GRID1: variants seen among roughly 807,000 people sequenced by gnomAD.
GRID1 encodes glutamate ionotropic receptor delta type subunit 1.
In GRID1, 28 loss-of-function variants were observed where a neutral mutation model predicts 98.0. That is an observed-to-expected ratio of 0.29 (90% CI 0.21 to 0.39). The LOEUF is 0.39. Ranked by LOEUF, GRID1 falls within the 10% of genes least tolerant of loss-of-function variation. The pLI, the probability that GRID1 is intolerant of heterozygous loss-of-function variation, is 1.00. For missense variants in GRID1, 1,111 were observed against 1,340.5 expected, an observed-to-expected ratio of 0.83 and a Z score of 2.67; for synonymous variants, 553 against 538.5, an observed-to-expected ratio of 1.03 and a Z score of -0.37.
At chr10:85,977,219 G>T (rs1842484045) in intron 4 of GRID1, among the ~76,000 whole-genome samples, 1 of 152,192 alleles carries the variant, frequency 6.6e-6, no homozygotes, top group African/African-American at 2.4e-5. Flanking sequence ...TAGAAAAGTG[G>T]CTGGCATGTA....
rs562806875 is a variant in GRID1, at chr10:86,250,742, C to T, written c.236-44094G>A. On this transcript the variant is annotated intron_variant, in intron 2 of 15. Transcript: ENST00000327946. ...CTGGGAGGTGGGGGGCGCCTCTGCC[C>T]AGCCACCCGGTCTGGGAAGTGGGGA... Among the ~76,000 whole-genome samples, 5 of 151,838 alleles carry T rather than the reference C, an allele frequency of 3.3e-5. No homozygotes were observed. The East Asian group carries it at 7.8e-4, about 24-fold the overall frequency.
intron 4 of GRID1, among the ~76,000 whole-genome samples, chr10:85,931,399 T>C (rs1325186384): frequency 6.6e-6 from 1 of 152,238 alleles, no homozygotes; most frequent in Non-Finnish European, 1.5e-5. Flanking sequence ...GCCTTTTCTT[T>C]ATTTTTTCTG....
intron 2 of GRID1, among the ~76,000 whole-genome samples, chr10:86,274,541 G>A (rs1332836100): frequency 6.6e-6 from 1 of 152,176 alleles, no homozygotes; most frequent in Admixed American, 6.5e-5. Context: ...TCCTACCCAT[G>A]AGCATGGAAT....
chr10:85,600,791 T>G lies in GRID1; in HGVS notation c.*1482A>C, dbSNP rs1303211946. ...AACTGAAGGAGGGGGCGCTGTTAGGTGGTCCTAGGCTTAGAAAACTGGGCT... is the reference window on the plus strand; with the variant it reads ...AACTGAAGGAGGGGGCGCTGTTAGGGGGTCCTAGGCTTAGAAAACTGGGCT... On this transcript the variant is annotated 3_prime_UTR_variant, in exon 16 of 16. Transcript: ENST00000327946. The G allele has an allele frequency of 6.6e-6, 1 of 152,238 alleles. No homozygotes were observed. Among genetic ancestry groups the G allele is most frequent in the Admixed American group, 6.5e-5 (1 of 15,280 alleles). The allele number at this position is 152,238 out of a possible 1,614,324, so 9.4% of individuals were successfully genotyped here.
At chr10:85,825,786 T>C (rs1212263477) in intron 8 of GRID1, among the ~76,000 whole-genome samples, 1 of 151,902 alleles carries the variant, frequency 6.6e-6, no homozygotes, top group African/African-American at 2.4e-5. Flanking sequence ...GAAAAAATAG[T>C]AAAAAACAAC....
chr10:86,268,494 G>T (rs1227791695), intron 2 of GRID1, among the ~76,000 whole-genome samples: 1 of 152,196 alleles, frequency 6.6e-6, no homozygotes, highest in Non-Finnish European at 1.5e-5. Flanking sequence ...TACCACGGGG[G>T]CTAGCCCATT....
chr10:86,320,915 C>T (rs1045416534), intron 2 of GRID1, among the ~76,000 whole-genome samples: 8 of 151,808 alleles, frequency 5.3e-5, no homozygotes, highest in South Asian at 2.1e-4. Flanking sequence ...CTGGCTAACA[C>T]GGTGAAACCC....
At chr10:86,229,891 CAT>C (rs1375078792) in intron 2 of GRID1, among the ~76,000 whole-genome samples, 8 of 152,220 alleles carry the variant, frequency 5.3e-5, no homozygotes, top group African/African-American at 1.7e-4. Flanking sequence ...CACCACCACA[CAT>C]AGAGTCCTGT....
chr10:85,732,311 T>G (rs1316813302), intron 8 of GRID1, among the ~76,000 whole-genome samples: 1 of 152,178 alleles, frequency 6.6e-6, no homozygotes, highest in African/African-American at 2.4e-5. Flanking sequence ...CTAATGATGA[T>G]GTGACCATTC....
At chr10:86,119,664 T>C (rs956041066) in intron 4 of GRID1, among the ~76,000 whole-genome samples, 2 of 152,192 alleles carry the variant, frequency 1.3e-5, no homozygotes, top group African/African-American at 2.4e-5. Flanking sequence ...ATATTAGCAC[T>C]GCCCTTCCTC....
chr10:85,643,502 G>A (rs777589318), intron 13 of GRID1, among the ~76,000 whole-genome samples: 1 of 152,122 alleles, frequency 6.6e-6, no homozygotes, highest in Admixed American at 6.5e-5. Flanking sequence ...GGAGCAGAGG[G>A]GCCGCTCCAT....
At chr10:86,199,118 AT>A (rs1426451861) in intron 3 of GRID1, among the ~76,000 whole-genome samples, 1 of 152,138 alleles carries the variant, frequency 6.6e-6, no homozygotes, top group African/African-American at 2.4e-5. Context: ...TTCATCTCCC[AT>A]CCCAGTCCAA....
chr10:86,088,353 T>C (rs1039166765), intron 4 of GRID1, among the ~76,000 whole-genome samples: 11 of 152,160 alleles, frequency 7.2e-5, no homozygotes, highest in Admixed American at 1.3e-4. Context: ...CAGAACTAAA[T>C]AAATATCCCC....
chr10:85,667,839 G>A (rs1490333426), intron 12 of GRID1, among the ~76,000 whole-genome samples: 3 of 152,170 alleles, frequency 2.0e-5, no homozygotes, highest in Non-Finnish European at 2.9e-5. Context: ...TCTGTTCCCA[G>A]CTGTCTGACT....
intron 13 of GRID1, among the ~76,000 whole-genome samples, chr10:85,641,444 T>G (rs1843116515): frequency 6.6e-6 from 1 of 152,088 alleles, no homozygotes; most frequent in East Asian, 1.9e-4. Flanking sequence ...GCCACTTTGG[T>G]GTCAGAGAGG....
chr10:85,748,043 C>T (rs1017980297), intron 8 of GRID1, among the ~76,000 whole-genome samples: 1 of 152,066 alleles, frequency 6.6e-6, no homozygotes, highest in Non-Finnish European at 1.5e-5. Flanking sequence ...AGCTTGAAGG[C>T]TGTGTTCAGG....
chr10:85,662,151 T>C (rs1265906828), intron 12 of GRID1, among the ~76,000 whole-genome samples: 3 of 152,210 alleles, frequency 2.0e-5, no homozygotes, highest in Non-Finnish European at 4.4e-5. Context: ...TCAGCAGATG[T>C]TGCATCCTGA....
intron 8 of GRID1, among the ~76,000 whole-genome samples, chr10:85,826,948 A>T (rs1590251337): frequency 6.6e-6 from 1 of 152,198 alleles, no homozygotes; most frequent in East Asian, 1.9e-4. Context: ...CCCCAAGGGC[A>T]TCAAAGAAAA....
intron 12 of GRID1, among the ~76,000 whole-genome samples, chr10:85,696,778 C>T (rs922642700): frequency 6.6e-6 from 1 of 151,868 alleles, no homozygotes; most frequent in African/African-American, 2.4e-5. Context: ...CTAATATAGG[C>T]ATTTAAAGCT....
Sources: allele counts gnomAD v4.1 joint callset (sites outside exome capture counted in the v4.1 genomes callset), GRCh38; gene constraint gnomAD v4.1.1; transcripts MANE v1.5; gene names NCBI Gene and HGNC (gene_info 2026-07-23, HGNC 2026-07-21).